The following SLC5A1 variants were observed in gnomAD, a reference collection of about 807,000 sequenced individuals.
SLC5A1 encodes sodium/glucose cotransporter 1.
A neutral mutation model predicts 73.5 loss-of-function variants in SLC5A1; 42 were observed. That is an observed-to-expected ratio of 0.57 (90% CI 0.45 to 0.74). The LOEUF is 0.74. Ranked by LOEUF, SLC5A1 falls within the 30% of genes least tolerant of loss-of-function variation. SLC5A1 has a pLI of 0.00. For synonymous variants in SLC5A1, 300 were observed against 317.4 expected, an observed-to-expected ratio of 0.95 and a Z score of 0.58; for missense variants, 634 against 855.4, an observed-to-expected ratio of 0.74 and a Z score of 3.23.
At chr22:32,053,002 T>C (rs1028163712) in intron 2 of SLC5A1, among the ~76,000 whole-genome samples, 1 of 152,178 alleles carries the variant, frequency 6.6e-6, no homozygotes, top group African/African-American at 2.4e-5. Flanking sequence ...TTTTTATGCA[T>C]AGAGAAAAAT....
At chr22:32,049,038 C>T (rs1439220476) in intron 1 of SLC5A1, among the ~76,000 whole-genome samples, 1 of 150,572 alleles carries the variant, frequency 6.6e-6, no homozygotes, top group Non-Finnish European at 1.5e-5. Context: ...CGTGCCACTG[C>T]ACTCCAGCCT....
chr22:32,106,439 G>A (rs567925642), intron 14 of SLC5A1, among the ~76,000 whole-genome samples: 146 of 152,294 alleles, frequency 9.6e-4, no homozygotes, highest in African/African-American at 3.4e-3. Flanking sequence ...AGCACTCAGT[G>A]AGTAAGTGTG....
intron 5 of SLC5A1, 23 bp from the exon 6 acceptor site, chr22:32,081,843 C>T (rs1389521231): frequency 1.3e-6 from 2 of 1,533,890 alleles, no homozygotes; most frequent in Non-Finnish European, 1.8e-6. Flanking sequence ...TCCCTCCTAA[C>T]TCCGCCTCTC....
intron 1 of SLC5A1, among the ~76,000 whole-genome samples, chr22:32,049,162 A>T (rs1204916060): frequency 4.6e-5 from 6 of 129,038 alleles, no homozygotes; most frequent in Non-Finnish European, 9.6e-5. Flanking sequence ...TATTATATAT[A>T]ATCTATATCT....
intron 11 of SLC5A1, among the ~76,000 whole-genome samples, chr22:32,097,521 C>A (rs999215386): frequency 6.6e-6 from 1 of 152,190 alleles, no homozygotes; most frequent in Non-Finnish European, 1.5e-5. Flanking sequence ...CTTTTCAGGA[C>A]TTGAAGTGAA....
At chr22:32,048,162 A>T (rs930091859) in intron 1 of SLC5A1, among the ~76,000 whole-genome samples, 4 of 151,982 alleles carry the variant, frequency 2.6e-5, no homozygotes, top group African/African-American at 9.7e-5. Flanking sequence ...AAAAAAAAAA[A>T]AAAAAAAAGG....
At chr22:32,104,655 T>G (rs2094041949) in intron 13 of SLC5A1, 131 bp from the exon 14 acceptor site, 2 of 717,270 alleles carry the variant, frequency 2.8e-6, no homozygotes, top group Admixed American at 4.0e-5. Context: ...AGAATCGTTG[T>G]GTATGTTCTT....
intron 10 of SLC5A1, among the ~76,000 whole-genome samples, chr22:32,087,600 T>C (rs1253459975): frequency 6.6e-6 from 1 of 152,180 alleles, no homozygotes; most frequent in East Asian, 1.9e-4. Context: ...CCTAGGAGAC[T>C]GAGTACTTAG....
intron 6 of SLC5A1, among the ~76,000 whole-genome samples, chr22:32,082,851 G>A (rs1230511235): frequency 6.6e-6 from 1 of 152,168 alleles, no homozygotes; most frequent in Non-Finnish European, 1.5e-5. Context: ...CCTCAAGTAG[G>A]GAGAAACATT....
At chr22:32,069,590 T>G (rs1322841665) in intron 5 of SLC5A1, among the ~76,000 whole-genome samples, 1 of 152,200 alleles carries the variant, frequency 6.6e-6, no homozygotes, top group Non-Finnish European at 1.5e-5. Context: ...ATGTATATGT[T>G]AATTAGCTCA....
intron 11 of SLC5A1, among the ~76,000 whole-genome samples, chr22:32,097,334 G>A (rs2149495887): frequency 6.6e-6 from 1 of 152,356 alleles, no homozygotes; most frequent in African/African-American, 2.4e-5. Flanking sequence ...ATAATGGTGG[G>A]TGGGATATGG....
intron 2 of SLC5A1, among the ~76,000 whole-genome samples, chr22:32,060,120 T>C (rs1053299610): frequency 0.041 from 5,681 of 138,520 alleles, 174 homozygotes; most frequent in Non-Finnish European, 0.064. Flanking sequence ...CACATATATA[T>C]ACATACACAC....
intron 6 of SLC5A1, 169 bp from the exon 7 acceptor site, chr22:32,082,905 G>A: frequency 1.5e-6 from 1 of 679,286 alleles, no homozygotes; most frequent in Non-Finnish European, 2.7e-6. Context: ...ATGCTGAATA[G>A]CAAAATACTG....
At chr22:32,050,490 G>T (rs757874485) in intron 2 of SLC5A1, among the ~76,000 whole-genome samples, 17 of 152,180 alleles carry the variant, frequency 1.1e-4, no homozygotes, top group Admixed American at 5.9e-4. Flanking sequence ...GACAGAGAGG[G>T]TTTGGGTTGT....
chr22:32,071,515 ACT>A (rs1329517828), intron 5 of SLC5A1, among the ~76,000 whole-genome samples: 1 of 152,116 alleles, frequency 6.6e-6, no homozygotes, highest in Non-Finnish European at 1.5e-5. Context: ...AGCCTTCAGC[ACT>A]CTCTGCAAGA....
intron 14 of SLC5A1, among the ~76,000 whole-genome samples, chr22:32,106,080 C>T (rs2094045150): frequency 6.6e-6 from 1 of 152,174 alleles, no homozygotes; most frequent in Admixed American, 6.5e-5. Context: ...ATACTAATTT[C>T]CTTTCTTTTG....
chr22:32,055,551 A>G (rs1438093242), intron 2 of SLC5A1, among the ~76,000 whole-genome samples: 1 of 152,168 alleles, frequency 6.6e-6, no homozygotes, highest in Non-Finnish European at 1.5e-5. Context: ...TTACAGTGGG[A>G]TGGGTAGGAG....
Position 32,051,385 on chromosome 22 carries a change from G to A in SLC5A1, c.207+1371G>A, listed in dbSNP as rs978354320. Among the ~76,000 whole-genome samples the A allele has an allele frequency of 5.3e-5, 8 of 152,316 alleles. No individual in the cohort carries two copies. The East Asian group carries it at 1.5e-3, about 29-fold the overall frequency. On this transcript the variant is annotated intron_variant, in intron 2 of 14. Coordinates refer to ENST00000266088, the MANE Select transcript of SLC5A1 (RefSeq NM_000343.4). ...AAATTCTAAGTTTCAGCTAGGCACA[G>A]TGACTCACACCTGTAATCCAGGCAT...
Position 32,043,369 on chromosome 22 carries a change from T to G in SLC5A1, c.88T>G (p.Ser30Ala). 1 of 1,614,126 alleles carries G rather than the reference T, an allele frequency of 6.2e-7. No individual in the cohort carries two copies. Among genetic ancestry groups the G allele is most frequent in the Non-Finnish European group, 8.5e-7 (1 of 1,180,008 alleles). The change falls in exon 1 of 15, where the codon TCC becomes GCC. Residue 30 changes from serine (S) to alanine (A), a missense_variant. By Grantham distance (99) the Ser-to-Ala change is moderately conservative. This residue lies in a region of SLC5A1 where 51 missense variants were observed against 50.5 expected (regional missense o/e 1.01). Coordinates refer to ENST00000266088, the MANE Select transcript of SLC5A1 (RefSeq NM_000343.4). The surrounding 1 kb of genome is among the most constrained non-coding windows in gnomAD (Gnocchi z 6.5). ...GCTCATTCGCAATGCAGCCGATATC[T>G]CCATCATCGTTATCTACTTCGTGGT... ...HELIRNAADI[S>A]IIVIYFVVVM...
Sources: gnomAD v4.1 joint callset for allele counts (sites outside exome capture counted in the v4.1 genomes callset) on GRCh38, gnomAD v4.1.1 for gene constraint, gnomAD v4.1.1 regional missense constraint, Gnocchi (gnomAD v3.1) non-coding constraint, MANE v1.5 for transcripts, NCBI Gene and HGNC (gene_info 2026-07-23, HGNC 2026-07-21) for gene names.